Variants in RBFOX3 observed in about 807,000 individuals in gnomAD.
RBFOX3 encodes the protein RNA binding protein fox-1 homolog 3.
In RBFOX3, 17 loss-of-function variants were observed where a neutral mutation model predicts 48.7. The ratio of observed to expected loss-of-function variants is 0.35; its 90% CI spans 0.24 to 0.52. RBFOX3 has a LOEUF of 0.52. RBFOX3 is among the 20% of genes least tolerant of loss of function. The pLI, the probability that RBFOX3 is intolerant of heterozygous loss-of-function variation, is 0.94. For missense variants in RBFOX3, 382 were observed against 497.5 expected, an observed-to-expected ratio of 0.77 and a Z score of 2.21; for synonymous variants, 212 against 209.5, an observed-to-expected ratio of 1.01 and a Z score of -0.10.
In RBFOX3 at chr17:79,249,654, A is replaced by G. The variant is rs1182827422; in HGVS notation, c.-73-13849T>C. Among the ~76,000 whole-genome samples the G allele has an allele frequency of 6.6e-6, 1 of 152,028 alleles. No homozygotes were observed. Among genetic ancestry groups the G allele is most frequent in the East Asian group, 1.9e-4 (1 of 5,182 alleles). On this transcript the variant is annotated intron_variant, in intron 3 of 14. Coordinates refer to ENST00000693108, the MANE Select transcript of RBFOX3 (RefSeq NM_001350451.2). The surrounding 1 kb of genome is among the most constrained non-coding windows in gnomAD (Gnocchi z 4.1). ...AGCCCAGAGCTCACTGAAATGATCCAAACCAGCCAGCCCCAAAACCACTTC... is the reference window on the plus strand; with the variant it reads ...AGCCCAGAGCTCACTGAAATGATCCGAACCAGCCAGCCCCAAAACCACTTC...
intron 1 of RBFOX3, among the ~76,000 whole-genome samples, chr17:79,542,295 A>T (rs1555790582): frequency 6.6e-6 from 1 of 152,124 alleles, no homozygotes; most frequent in Admixed American, 6.5e-5. Flanking sequence ...CCCTCTGCAG[A>T]CTCACAAGGG....
At chr17:79,349,918 A>G (rs1368948110) in intron 2 of RBFOX3, among the ~76,000 whole-genome samples, 1 of 152,148 alleles carries the variant, frequency 6.6e-6, no homozygotes, top group Non-Finnish European at 1.5e-5. Context: ...CCCTGAGCCT[A>G]GGCCACGTGG....
At chr17:79,222,715 C>G (rs536820399) in intron 4 of RBFOX3, among the ~76,000 whole-genome samples, 15 of 152,216 alleles carry the variant, frequency 9.9e-5, no homozygotes, top group Non-Finnish European at 2.2e-4. Context: ...CTGGGCTGTC[C>G]CTGCCCTGGG....
intron 2 of RBFOX3, among the ~76,000 whole-genome samples, chr17:79,323,377 A>T (rs555172256): frequency 3.9e-5 from 6 of 152,290 alleles, no homozygotes; most frequent in Admixed American, 2.0e-4. Flanking sequence ...TGTGGGATGG[A>T]TGCTCTCCCA....
chr17:79,101,613 T>C lies in RBFOX3; in HGVS notation c.539A>G (p.Asn180Ser), dbSNP rs1046090014. 6.4e-7 allele frequency: 1 copy of C among 1,551,270 alleles called. No individual in the cohort carries two copies. Among genetic ancestry groups the C allele is most frequent in the Middle Eastern group, 1.7e-4 (1 of 5,992 alleles). The change falls in exon 9 of 15, where the codon AAC (asparagine) becomes AGC (serine). Residue 180 changes from asparagine (N) to serine (S), a missense_variant. Around this residue, in one of 3 missense-constraint regions of RBFOX3, gnomAD observed 215 missense variants for 254.8 expected, o/e 0.84. Transcript: ENST00000693108. ...VNNATARVMT[N>S]KKTGNPYTNG... ...GGTGTAGGGGTTCCCCGTCTTCTTG[T>C]TGGTCATCACTCGGGCCGTGGCATT...
intron 4 of RBFOX3, among the ~76,000 whole-genome samples, chr17:79,218,389 C>T (rs2059322832): frequency 6.6e-6 from 1 of 152,092 alleles, no homozygotes; most frequent in Admixed American, 6.5e-5. Flanking sequence ...GGGGATCTGG[C>T]TCCTGGGAAG....
intron 1 of RBFOX3, among the ~76,000 whole-genome samples, chr17:79,584,548 GTA>G (rs1300793663): frequency 1.8e-4 from 25 of 141,642 alleles, no homozygotes; most frequent in Admixed American, 1.1e-3. Context: ...ATATGTGTGT[GTA>G]TGTGTGTGTG....
At chr17:79,354,979 G>A (rs2084689984) in intron 2 of RBFOX3, among the ~76,000 whole-genome samples, 1 of 152,150 alleles carries the variant, frequency 6.6e-6, no homozygotes, top group African/African-American at 2.4e-5. Context: ...CCCTGGCTGT[G>A]GGATTATTAA....
intron 4 of RBFOX3, among the ~76,000 whole-genome samples, chr17:79,196,075 C>T (rs1331427202): frequency 1.9e-4 from 29 of 152,154 alleles, no homozygotes; most frequent in Admixed American, 1.9e-3. Context: ...TATTATTCTT[C>T]CCATCTCGTT....
chr17:79,286,986 A>G (rs78962696), intron 3 of RBFOX3, among the ~76,000 whole-genome samples: 4,628 of 152,342 alleles, frequency 0.03, 114 homozygotes, highest in East Asian at 0.069. Context: ...CTGAGAAAGC[A>G]GCATGAAGCC....
At chr17:79,375,362 C>CACACAG (rs1190783774) in intron 2 of RBFOX3, among the ~76,000 whole-genome samples, 10 of 128,608 alleles carry the variant, frequency 7.8e-5, no homozygotes, top group Non-Finnish European at 1.4e-4. Context: ...ACAGAAGACA[C>CACACAG]ACACACACAC....
chr17:79,520,494 C>A (rs2085904429), intron 1 of RBFOX3, among the ~76,000 whole-genome samples: 1 of 152,192 alleles, frequency 6.6e-6, no homozygotes, highest in Admixed American at 6.5e-5. Context: ...CGCATTAAAA[C>A]CCCAGCCCAT....
chr17:79,205,967 G>A lies in RBFOX3; in HGVS notation c.-34+29799C>T, dbSNP rs1433804983. Among the ~76,000 whole-genome samples, 1 of 151,952 alleles carries A rather than the reference G, an allele frequency of 6.6e-6. No individual in the cohort carries two copies. The highest frequency in any genetic ancestry group is 1.5e-5 in the Non-Finnish European group (1 of 68,008). ...CCACAATATAGTCTGCAGGGACCTTGGCCGTTGTGACATTCCAGAGAATAT... is the reference window on the plus strand; with the variant it reads ...CCACAATATAGTCTGCAGGGACCTTAGCCGTTGTGACATTCCAGAGAATAT... On this transcript the variant is annotated intron_variant, in intron 4 of 14. Coordinates refer to ENST00000693108, the MANE Select transcript of RBFOX3 (RefSeq NM_001350451.2). This position sits in a 1 kb window ranked among gnomAD's most constrained non-coding sequence, Gnocchi z 4.5.
the RBFOX3 span, among the ~76,000 whole-genome samples, chr17:79,635,122 A>C: frequency 2.9e-5 from 4 of 136,770 alleles, no homozygotes; most frequent in Admixed American, 3.1e-4. Flanking sequence ...GACATAGATG[A>C]TATCTAAGGT....
At chr17:79,115,033 T>A (rs1229637897) in intron 5 of RBFOX3, among the ~76,000 whole-genome samples, 2 of 152,210 alleles carry the variant, frequency 1.3e-5, no homozygotes, top group Non-Finnish European at 2.9e-5. Context: ...TTAGAAATGA[T>A]AGGAGGGCCT....
chr17:79,346,515 G>A (rs938987136), intron 2 of RBFOX3, among the ~76,000 whole-genome samples: 5 of 152,162 alleles, frequency 3.3e-5, no homozygotes, highest in African/African-American at 1.2e-4. Context: ...GCTTCACAAT[G>A]AGCCCAGATA....
intron 4 of RBFOX3, among the ~76,000 whole-genome samples, chr17:79,122,104 C>A (rs906655766): frequency 2.0e-4 from 30 of 152,276 alleles, no homozygotes; most frequent in African/African-American, 7.2e-4. Flanking sequence ...CTTGACTTGG[C>A]TCTTTTGGCC....
intron 1 of RBFOX3, among the ~76,000 whole-genome samples, chr17:79,606,022 T>G (rs2093821859): frequency 6.6e-6 from 1 of 152,214 alleles, no homozygotes; most frequent in African/African-American, 2.4e-5. Context: ...CCCTATCCCC[T>G]GACTGCAGAG....
chr17:79,150,620 G>T (rs1353573678), intron 4 of RBFOX3, among the ~76,000 whole-genome samples: 1 of 152,124 alleles, frequency 6.6e-6, no homozygotes, highest in East Asian at 1.9e-4. Flanking sequence ...TGAAGTAGGG[G>T]ATACCTGACC....
Sources: allele counts gnomAD v4.1 joint callset (sites outside exome capture counted in the v4.1 genomes callset), GRCh38; gene constraint gnomAD v4.1.1; regional missense constraint gnomAD v4.1.1; non-coding constraint Gnocchi (gnomAD v3.1); transcripts MANE v1.5; gene names NCBI Gene and HGNC (gene_info 2026-07-23, HGNC 2026-07-21).